RSPO2: variants seen among roughly 807,000 people sequenced by gnomAD.
RSPO2 encodes R-spondin 2, also known as R-spondin-2.
In RSPO2, 14 loss-of-function variants were observed where a neutral mutation model predicts 30.9. The ratio of observed to expected loss-of-function variants is 0.45; its 90% CI spans 0.30 to 0.71. RSPO2 has a LOEUF of 0.71. Among genes scored for constraint, RSPO2 ranks in the 30% least tolerant of loss-of-function variants. The pLI is 0.08. For missense variants in RSPO2, 264 were observed against 301.9 expected (o/e 0.87, Z 0.93); for synonymous variants, 107 against 96.4 (o/e 1.11, Z -0.64).
At position 107,955,434 on chromosome 8, in the gene RSPO2, G is replaced by T. The variant is rs570149814; in HGVS notation, c.616+2646C>A. Among the ~76,000 whole-genome samples the T allele has an allele frequency of 2.6e-4, 40 of 152,114 alleles. No homozygotes were observed. In the South Asian group the frequency reaches 8.1e-3, roughly 31 times the overall value. On this transcript the variant is annotated intron_variant, in intron 5 of 5. Transcript: ENST00000276659. ...AAGAATGATTGTTGGAAAAGCCCAA[G>T]AAACCTTACAGGTTATGCTATCAAA...
At chr8:107,901,631 A>T (rs911400941) in intron 5 of RSPO2, among the ~76,000 whole-genome samples, 1 of 152,212 alleles carries the variant, frequency 6.6e-6, no homozygotes, top group East Asian at 1.9e-4. Context: ...CCCTTTCCCC[A>T]TGGGGGAAAA....
chr8:107,924,653 T>C lies in RSPO2; in HGVS notation c.617-23463A>G, dbSNP rs994850186. Among the ~76,000 whole-genome samples, 4 of 151,958 alleles carry C rather than the reference T, an allele frequency of 2.6e-5. No individual in the cohort carries two copies. In the East Asian group the frequency reaches 5.8e-4, roughly 22 times the overall value. ...GAGCAGTAGGGTACTGATGAAGGGA[T>C]TGATGAACAGACAAACTGAACAGAA... On this transcript the variant is annotated intron_variant, in intron 5 of 5. Transcript: ENST00000276659.
At chr8:108,068,786 G>T (rs755688824) in intron 2 of RSPO2, among the ~76,000 whole-genome samples, 7 of 152,184 alleles carry the variant, frequency 4.6e-5, no homozygotes, top group Non-Finnish European at 1.0e-4. Context: ...AACACCTGAG[G>T]CTACCAGAGG....
intron 2 of RSPO2, among the ~76,000 whole-genome samples, chr8:108,061,540 C>A (rs1292478044): frequency 6.6e-5 from 10 of 151,612 alleles, no homozygotes; most frequent in Non-Finnish European, 1.5e-5. Flanking sequence ...TAAAGCAAAT[C>A]CTTAGAGACC....
At chr8:108,052,287 C>G (rs969070542) in intron 2 of RSPO2, among the ~76,000 whole-genome samples, 2 of 152,168 alleles carry the variant, frequency 1.3e-5, no homozygotes, top group Non-Finnish European at 2.9e-5. Flanking sequence ...TCACCAGAAG[C>G]AGCCAGTTTA....
chr8:107,906,708 T>C (rs953922992), intron 5 of RSPO2, among the ~76,000 whole-genome samples: 11 of 151,998 alleles, frequency 7.2e-5, no homozygotes, highest in African/African-American at 2.7e-4. Context: ...AGGACTGGGA[T>C]CTACCACACT....
At chr8:108,075,454 T>G (rs1481346651) in intron 2 of RSPO2, among the ~76,000 whole-genome samples, 1 of 149,332 alleles carries the variant, frequency 6.7e-6, no homozygotes, top group Non-Finnish European at 1.5e-5. Flanking sequence ...CACTCCAGGC[T>G]GGGCAACAAG....
chr8:107,902,077 G>T lies in RSPO2; in HGVS notation c.617-887C>A, dbSNP rs143526817. The stretch of plus-strand genomic sequence containing the variant: ...GTACACATAAGATTTTGAGAAAAAA[G>T]AATAAAGAACATGAGACATCTGTCT... On this transcript the variant is annotated intron_variant, in intron 5 of 5. Coordinates refer to ENST00000276659, the MANE Select transcript of RSPO2 (RefSeq NM_178565.5). Among the ~76,000 whole-genome samples the T allele has an allele frequency of 4.7e-4, 72 of 152,190 alleles. 2 individuals carry two copies. The East Asian group carries it at 0.013, about 27-fold the overall frequency.
intron 5 of RSPO2, among the ~76,000 whole-genome samples, chr8:107,938,790 A>C (rs182785721): frequency 6.6e-6 from 1 of 152,190 alleles, no homozygotes; most frequent in Non-Finnish European, 1.5e-5. Flanking sequence ...CTGCAACCAT[A>C]AACAGTAAAG....
chr8:108,050,079 T>G (rs1563579189), intron 2 of RSPO2, among the ~76,000 whole-genome samples: 1 of 152,182 alleles, frequency 6.6e-6, no homozygotes, highest in African/African-American at 2.4e-5. Flanking sequence ...CATAATCTCA[T>G]GCAGGAGGGG....
At chr8:108,078,738 G>A (rs1434163038) in intron 2 of RSPO2, among the ~76,000 whole-genome samples, 1 of 152,110 alleles carries the variant, frequency 6.6e-6, no homozygotes, top group East Asian at 1.9e-4. Context: ...GAGAAGCTGA[G>A]GATTCAGTAC....
intron 3 of RSPO2, among the ~76,000 whole-genome samples, chr8:107,984,494 C>A (rs1814560600): frequency 6.6e-6 from 1 of 152,164 alleles, no homozygotes. Context: ...CCACACTTTG[C>A]ACTACTCATA....
chr8:107,983,512 A>T, intron 3 of RSPO2: 2 of 1,600,624 alleles, frequency 1.2e-6, no homozygotes, highest in Non-Finnish European at 1.7e-6. Flanking sequence ...GATTCAGGGG[A>T]TCTTTGACAG....
At chr8:107,906,343 GTATTTTATATTTTA>G (rs71562163) in intron 5 of RSPO2, among the ~76,000 whole-genome samples, 1 of 47,164 alleles carries the variant, frequency 2.1e-5, no homozygotes, top group Non-Finnish European at 6.4e-5. Flanking sequence ...ATGAATGCAA[GTATTTTATATTTTA>G]TATTTTATAT....
intron 2 of RSPO2, among the ~76,000 whole-genome samples, chr8:108,064,509 A>G (rs1812594088): frequency 6.6e-6 from 1 of 152,238 alleles, no homozygotes; most frequent in Non-Finnish European, 1.5e-5. Flanking sequence ...CAATCATTAA[A>G]AAGTCAGGAA....
intron 2 of RSPO2, among the ~76,000 whole-genome samples, chr8:108,015,794 G>T (rs747911505): frequency 6.6e-6 from 1 of 152,066 alleles, no homozygotes; most frequent in Non-Finnish European, 1.5e-5. Context: ...CTATACTGAG[G>T]TATCTTTCCT....
intron 5 of RSPO2, among the ~76,000 whole-genome samples, chr8:107,936,576 C>T (rs1019066418): frequency 6.6e-6 from 1 of 152,192 alleles, no homozygotes; most frequent in African/African-American, 2.4e-5. Context: ...TACATTTCCA[C>T]CAATGGTATA....
chr8:108,025,761 A>G (rs1806483418), intron 2 of RSPO2, among the ~76,000 whole-genome samples: 1 of 152,056 alleles, frequency 6.6e-6, no homozygotes, highest in Non-Finnish European at 1.5e-5. Flanking sequence ...AGCTCAAGCA[A>G]TCTTTCCACT....
intron 5 of RSPO2, 149 bp from the exon 6 acceptor site, chr8:107,901,339 T>C: frequency 2.4e-6 from 2 of 823,648 alleles, no homozygotes; most frequent in East Asian, 5.4e-5. Flanking sequence ...TCACATTAAT[T>C]TTGACAGAAT....
Sources: gnomAD v4.1 joint callset for allele counts (sites outside exome capture counted in the v4.1 genomes callset) on GRCh38, gnomAD v4.1.1 for gene constraint, MANE v1.5 for transcripts, NCBI Gene and HGNC (gene_info 2026-07-23, HGNC 2026-07-21) for gene names.